The following SDK1 variants were observed in gnomAD, a reference collection of about 807,000 sequenced individuals.
The protein encoded by SDK1 is protein sidekick-1.
Under a neutral mutation model 245.5 loss-of-function variants are expected in SDK1, and 157 were observed. The observed-to-expected ratio is 0.64, with a 90% CI of 0.56 to 0.73. SDK1 has a LOEUF of 0.73. Ranked by LOEUF, SDK1 falls within the 30% of genes least tolerant of loss-of-function variation. SDK1 has a pLI of 0.00. For missense variants in SDK1, 3,583 were observed against 3,002.3 expected (o/e 1.19, Z -4.52); for synonymous variants, 1,647 against 1,278.5 (o/e 1.29, Z -6.15).
At chr7:3,829,170 A>C (rs951688793) in intron 5 of SDK1, among the ~76,000 whole-genome samples, 4 of 152,200 alleles carry the variant, frequency 2.6e-5, no homozygotes, top group Non-Finnish European at 4.4e-5. Context: ...ACCAGAAATT[A>C]TGTTCTTTTT....
At chr7:3,656,930 G>T (rs922375597) in intron 4 of SDK1, among the ~76,000 whole-genome samples, 1 of 151,650 alleles carries the variant, frequency 6.6e-6, no homozygotes, top group African/African-American at 2.4e-5. Context: ...TGTATTTTTA[G>T]TAGAGACGGG....
intron 1 of SDK1, among the ~76,000 whole-genome samples, chr7:3,400,656 G>C (rs1392284377): frequency 6.6e-6 from 1 of 152,152 alleles, no homozygotes; most frequent in Non-Finnish European, 1.5e-5. Flanking sequence ...CCAAAGGATG[G>C]GAGTGGGGGT....
intron 5 of SDK1, among the ~76,000 whole-genome samples, chr7:3,893,911 T>C (rs1000171646): frequency 1.3e-5 from 2 of 152,184 alleles, no homozygotes; most frequent in African/African-American, 4.8e-5. Flanking sequence ...TTAAGGATTT[T>C]ACAGGTTTAC....
chr7:3,848,219 G>A (rs550333257), intron 5 of SDK1, among the ~76,000 whole-genome samples: 13 of 152,220 alleles, frequency 8.5e-5, no homozygotes, highest in East Asian at 1.9e-4. Flanking sequence ...AATTGGAAAC[G>A]CATCTCTTAA....
chr7:3,584,777 G>A (rs949693630), intron 1 of SDK1, among the ~76,000 whole-genome samples: 1 of 151,190 alleles, frequency 6.6e-6, no homozygotes, highest in African/African-American at 2.4e-5. Flanking sequence ...AGGCTGGAGT[G>A]CAGTGGCGCG....
At chr7:3,507,078 T>C (rs2705613) in intron 1 of SDK1, among the ~76,000 whole-genome samples, 105,916 of 151,992 alleles carry the variant, frequency 0.7, 37,247 homozygotes, top group South Asian at 0.81. Flanking sequence ...TATTATCATA[T>C]GGTTTGTTTA....
chr7:3,494,572 A>G (rs1781964828), intron 1 of SDK1, among the ~76,000 whole-genome samples: 1 of 152,240 alleles, frequency 6.6e-6, no homozygotes, highest in African/African-American at 2.4e-5. Flanking sequence ...GAATTAGCTC[A>G]TTAACATATT....
At chr7:3,906,958 C>T (rs914167746) in intron 5 of SDK1, among the ~76,000 whole-genome samples, 10 of 152,078 alleles carry the variant, frequency 6.6e-5, no homozygotes, top group Non-Finnish European at 1.3e-4. Context: ...TCCTTTCTAG[C>T]GCATGCTGTC....
rs555820000 is a variant in SDK1 at position 3,347,845 on chromosome 7, A to G, written c.298+45961A>G. On this transcript the variant is annotated intron_variant, in intron 1 of 44. Coordinates refer to ENST00000404826, the MANE Select transcript of SDK1 (RefSeq NM_152744.4). The stretch of plus-strand genomic sequence containing the variant: ...TTAATTCTCAGGGAATAATTTATGC[A>G]CTAGAGCGTGGCTTAGTATCGAGCC... Among the ~76,000 whole-genome samples the G allele has an allele frequency of 1.1e-4, 17 of 152,108 alleles. No homozygotes were observed. In the East Asian group the frequency reaches 3.3e-3, roughly 29 times the overall value.
chr7:3,459,228 T>C (rs371465470), intron 1 of SDK1, among the ~76,000 whole-genome samples: 9 of 152,362 alleles, frequency 5.9e-5, no homozygotes, highest in African/African-American at 9.6e-5. Flanking sequence ...GTTCATTTCA[T>C]AGGAATTTGG....
At chr7:3,554,073 T>G (rs1250786089) in intron 1 of SDK1, among the ~76,000 whole-genome samples, 1 of 152,168 alleles carries the variant, frequency 6.6e-6, no homozygotes, top group African/African-American at 2.4e-5. Context: ...TCAGCAAGGA[T>G]GTAGAAGGTC....
intron 4 of SDK1, 74 bp downstream of exon 4, chr7:3,642,179 G>A (rs1782672681): frequency 1.0e-5 from 15 of 1,441,902 alleles, no homozygotes; most frequent in Non-Finnish European, 1.4e-5. Flanking sequence ...CACAGTAAGT[G>A]TACCAATTAA....
intron 5 of SDK1, among the ~76,000 whole-genome samples, chr7:3,908,339 TGACGCCAGATCCAGGA>T (rs1779032918): frequency 6.6e-6 from 1 of 152,204 alleles, no homozygotes; most frequent in Non-Finnish European, 1.5e-5. Context: ...TTCTTGGGAA[TGACGCCAGATCCAGGA>T]GACGATCAGC....
In SDK1 at chr7:3,534,507, A is replaced by ATG. The variant is rs1288872557; in HGVS notation, c.299-84572_299-84571insGT. Among the ~76,000 whole-genome samples the ATG allele has an allele frequency of 2.0e-5, 3 of 152,186 alleles. No individual in the cohort carries two copies. In the East Asian group the frequency reaches 5.8e-4, roughly 29 times the overall value. ...ACAGTTTTGCATTCCTAGAAACAAT[A>ATG]TATAGCATTCAAATTTCTCCACATC... On this transcript the variant is annotated intron_variant, in intron 1 of 44. Coordinates refer to ENST00000404826, the MANE Select transcript of SDK1 (RefSeq NM_152744.4).
chr7:4,007,452 C>A lies in SDK1; in HGVS notation c.2132-3514C>A, dbSNP rs117954247. On this transcript the variant is annotated intron_variant, in intron 14 of 44. Transcript: ENST00000404826. ...AGCCTCGGGGCAGGAGTCCCGAGGA[C>A]AGAGCTGGATAGGGAGGGCGGAGCT... is the stretch of plus-strand genomic sequence containing the variant. Among the ~76,000 whole-genome samples, 857 of 152,168 alleles carry A rather than the reference C, an allele frequency of 5.6e-3. 6 individuals are homozygous for A. The highest frequency in any genetic ancestry group is 0.035 in the East Asian group (181 of 5,162).
chr7:3,630,060 G>A (rs1347137418), intron 2 of SDK1, among the ~76,000 whole-genome samples: 1 of 152,118 alleles, frequency 6.6e-6, no homozygotes, highest in Non-Finnish European at 1.5e-5. Flanking sequence ...TAAAGCTATA[G>A]TGATAGAACT....
Position 3,915,147 on chromosome 7 carries a change from A to G in SDK1, c.848-35776A>G, listed in dbSNP as rs572498814. On this transcript the variant is annotated intron_variant, in intron 5 of 44. Transcript: ENST00000404826. ...GGGTATTTTCCAAATAACAGGGTCT[A>G]CATGCAAATGACGTGGTAGGAGCAG... 1.1e-4 allele frequency among the ~76,000 whole-genome samples: 17 copies of G among 152,362 alleles called. No individual in the cohort carries two copies. In the South Asian group the frequency reaches 3.3e-3, roughly 30 times the overall value.
rs202089721 is a variant in SDK1 at position 3,876,809 on chromosome 7, G to T, written c.847+55226G>T. ...AGAGCTAAGGTAGGAGATACTAGTT[G>T]GGCTGGATTCACCAAATGTTAGCAT... is the stretch of plus-strand genomic sequence containing the variant. On this transcript the variant is annotated intron_variant, in intron 5 of 44. Transcript: ENST00000404826. Among the ~76,000 whole-genome samples, 18 of 152,240 alleles carry T rather than the reference G, an allele frequency of 1.2e-4. No individual in the cohort carries two copies. The East Asian group carries it at 3.5e-3, about 29-fold the overall frequency.
chr7:4,159,794 C>A (rs1781000026), intron 31 of SDK1, among the ~76,000 whole-genome samples: 1 of 152,154 alleles, frequency 6.6e-6, no homozygotes, highest in Admixed American at 6.5e-5. Flanking sequence ...AGTGTAACAA[C>A]TGTGTATTTG....
Sources: gnomAD v4.1 joint callset for allele counts (sites outside exome capture counted in the v4.1 genomes callset) on GRCh38, gnomAD v4.1.1 for gene constraint, MANE v1.5 for transcripts, NCBI Gene and HGNC (gene_info 2026-07-23, HGNC 2026-07-21) for gene names.